The following FANCC variants were observed in gnomAD, a reference collection of about 807,000 sequenced individuals.
The protein encoded by FANCC is Fanconi anemia group C protein.
FANCC carries 55 observed loss-of-function variants against 71.3 expected under a neutral mutation model. That is an observed-to-expected ratio of 0.77 (90% CI 0.62 to 0.97). The LOEUF (loss-of-function observed/expected upper bound fraction) is 0.97, where lower values mean the gene tolerates loss of function less well. Ranked by LOEUF, FANCC falls within the 50% of genes least tolerant of loss-of-function variation. The pLI, the probability that FANCC is intolerant of heterozygous loss-of-function variation, is 0.00. For synonymous variants in FANCC, 275 were observed against 244.9 expected, an observed-to-expected ratio of 1.12 and a Z score of -1.15; for missense variants, 678 against 670.9, an observed-to-expected ratio of 1.01 and a Z score of -0.12.
chr9:95,238,733 T>C (rs1036061739), intron 4 of FANCC, among the ~76,000 whole-genome samples: 3 of 152,012 alleles, frequency 2.0e-5, no homozygotes, highest in African/African-American at 7.3e-5. Context: ...TCCTGGCTAA[T>C]TTTTTGTATT....
chr9:95,206,723 C>T (rs570556901), intron 4 of FANCC, among the ~76,000 whole-genome samples: 18 of 152,170 alleles, frequency 1.2e-4, no homozygotes, highest in Non-Finnish European at 2.5e-4. Flanking sequence ...CAATAAAATT[C>T]ACCCTTACAT....
chr9:95,229,300 A>C (rs1260921030), intron 4 of FANCC, among the ~76,000 whole-genome samples: 1 of 141,972 alleles, frequency 7.0e-6, no homozygotes, highest in Non-Finnish European at 1.5e-5. Flanking sequence ...TCCTTCTCAA[A>C]AAAAAAAAAA....
intron 10 of FANCC, among the ~76,000 whole-genome samples, chr9:95,120,220 T>G (rs992782112): frequency 1.3e-5 from 2 of 152,242 alleles, no homozygotes; most frequent in African/African-American, 4.8e-5. Flanking sequence ...GAGGTTCATT[T>G]TTCTACATAT....
chr9:95,116,674 T>C (rs1588068542), intron 11 of FANCC, among the ~76,000 whole-genome samples: 1 of 152,210 alleles, frequency 6.6e-6, no homozygotes, highest in African/African-American at 2.4e-5. Context: ...GATGCCCTTA[T>C]TCTCTATTTC....
chr9:95,155,390 G>A (rs113969738), intron 6 of FANCC, among the ~76,000 whole-genome samples: 2,224 of 147,556 alleles, frequency 0.015, 56 homozygotes, highest in African/African-American at 0.048. Context: ...GAAAATATTC[G>A]TAATAAAGGA....
chr9:95,274,166 C>G (rs990312381), intron 1 of FANCC, among the ~76,000 whole-genome samples: 8 of 152,128 alleles, frequency 5.3e-5, no homozygotes, highest in African/African-American at 9.7e-5. Context: ...TAATGATGTC[C>G]CTCCCCAAAT....
In FANCC at chr9:95,287,548, T is replaced by C. The variant is rs531173485; in HGVS notation, c.-79+29978A>G. Reference sequence around the variant, plus strand: ...ATCCAAAGTTTACCCACTCAAACTTTTGTGGGGAAACCACAGACAATGTCT... The same window carrying C: ...ATCCAAAGTTTACCCACTCAAACTTCTGTGGGGAAACCACAGACAATGTCT... On this transcript the variant is annotated intron_variant, in intron 1 of 14. Transcript: ENST00000289081. Among the ~76,000 whole-genome samples the C allele has an allele frequency of 5.9e-5, 9 of 152,330 alleles. No homozygotes were observed. The East Asian group carries it at 1.2e-3, about 20-fold the overall frequency.
chr9:95,258,502 AAAACTCTCAAT>A (rs1458056760), intron 1 of FANCC, among the ~76,000 whole-genome samples: 1 of 152,228 alleles, frequency 6.6e-6, no homozygotes, highest in East Asian at 1.9e-4. Context: ...CTTCATGCTA[AAAACTCTCAAT>A]AAACTAGGTA....
At chr9:95,208,792 G>T (rs1177008392) in intron 4 of FANCC, among the ~76,000 whole-genome samples, 5 of 152,176 alleles carry the variant, frequency 3.3e-5, no homozygotes, top group Non-Finnish European at 5.9e-5. Flanking sequence ...TGCTGATGGG[G>T]ATGAAAAATG....
intron 3 of FANCC, 97 bp from the exon 4 acceptor site, chr9:95,240,840 A>G: frequency 1.1e-5 from 8 of 741,566 alleles, no homozygotes. Flanking sequence ...TCAAACTACT[A>G]AGTTCACAGA....
At chr9:95,162,153 T>A (rs997352655) in intron 6 of FANCC, among the ~76,000 whole-genome samples, 1 of 152,188 alleles carries the variant, frequency 6.6e-6, no homozygotes, top group Non-Finnish European at 1.5e-5. Context: ...TAGCTTCTGT[T>A]TCTACAAGTT....
chr9:95,212,260 T>A (rs558976802), intron 4 of FANCC, among the ~76,000 whole-genome samples: 35 of 152,144 alleles, frequency 2.3e-4, no homozygotes, highest in African/African-American at 8.4e-4. Flanking sequence ...AATAGAGGAA[T>A]CTCGAAAGAC....
chr9:95,106,386 C>G (rs1195287028), intron 14 of FANCC, among the ~76,000 whole-genome samples: 1 of 152,140 alleles, frequency 6.6e-6, no homozygotes, highest in Non-Finnish European at 1.5e-5. Flanking sequence ...TATATTATTT[C>G]CAGATATTTT....
At chr9:95,127,237 G>T (rs982803077) in intron 8 of FANCC, 3 of 152,838 alleles carry the variant, frequency 2.0e-5, no homozygotes, top group African/African-American at 7.2e-5. Context: ...TGGGAGCTGG[G>T]GGGAGCTTCA....
chr9:95,235,107 A>G (rs1326935219), intron 4 of FANCC, among the ~76,000 whole-genome samples: 3 of 152,222 alleles, frequency 2.0e-5, no homozygotes, highest in Non-Finnish European at 4.4e-5. Context: ...TAAGATTAAT[A>G]CCATAAATAA....
chr9:95,224,526 T>C (rs537833797), intron 4 of FANCC, among the ~76,000 whole-genome samples: 3 of 152,088 alleles, frequency 2.0e-5, no homozygotes, highest in Admixed American at 6.5e-5. Context: ...ACAGAAAATT[T>C]ATCATCTTAA....
chr9:95,114,386 G>A (rs2072221793), intron 12 of FANCC: 1 of 561,558 alleles, frequency 1.8e-6, no homozygotes, highest in Admixed American at 2.7e-5. Flanking sequence ...CGTTAATGTA[G>A]AAAACATTTC....
chr9:95,130,492 G>A (rs1430843855), intron 8 of FANCC, among the ~76,000 whole-genome samples: 1 of 152,124 alleles, frequency 6.6e-6, no homozygotes, highest in African/African-American at 2.4e-5. Flanking sequence ...AGATATATTC[G>A]CCTTAAAAAT....
intron 14 of FANCC, among the ~76,000 whole-genome samples, chr9:95,104,879 A>AGCACC (rs1482387149): frequency 3.3e-5 from 5 of 152,072 alleles, no homozygotes; most frequent in Non-Finnish European, 7.4e-5. Context: ...GCCCCCCATA[A>AGCACC]GCACCTTCCC....
Sources: allele counts gnomAD v4.1 joint callset (sites outside exome capture counted in the v4.1 genomes callset), GRCh38; gene constraint gnomAD v4.1.1; transcripts MANE v1.5; gene names NCBI Gene and HGNC (gene_info 2026-07-23, HGNC 2026-07-21).